The following ZMAT4 variants were observed in gnomAD, a reference collection of about 807,000 sequenced individuals.
ZMAT4 encodes zinc finger matrin-type protein 4.
ZMAT4 carries 17 observed loss-of-function variants against 28.7 expected under a neutral mutation model. The ratio of observed to expected loss-of-function variants is 0.59; its 90% CI spans 0.41 to 0.89. The LOEUF is 0.89. ZMAT4 is among the 40% of genes least tolerant of loss of function. The pLI is 0.00. For missense variants in ZMAT4, 240 were observed against 283.8 expected, an observed-to-expected ratio of 0.85 and a Z score of 1.11; for synonymous variants, 117 against 109.2, an observed-to-expected ratio of 1.07 and a Z score of -0.44.
At chr8:40,547,305 C>A (rs914676448) in intron 6 of ZMAT4, among the ~76,000 whole-genome samples, 3 of 152,154 alleles carry the variant, frequency 2.0e-5, no homozygotes, top group Admixed American at 6.5e-5. Flanking sequence ...CCTCTCTAGA[C>A]CTCTGACATG....
chr8:40,559,304 G>A (rs1043024587), intron 6 of ZMAT4, among the ~76,000 whole-genome samples: 1 of 152,014 alleles, frequency 6.6e-6, no homozygotes, highest in Admixed American at 6.6e-5. Context: ...TCACATACAG[G>A]GCCTAATTAT....
chr8:40,597,278 A>G (rs1805138276), intron 5 of ZMAT4, among the ~76,000 whole-genome samples: 1 of 152,218 alleles, frequency 6.6e-6, no homozygotes, highest in Admixed American at 6.5e-5. Flanking sequence ...TTGGCTTTTG[A>G]TCAGAGTCAT....
chr8:40,659,721 A>C (rs547009263), intron 5 of ZMAT4, among the ~76,000 whole-genome samples: 2 of 152,314 alleles, frequency 1.3e-5, no homozygotes, highest in African/African-American at 4.8e-5. Context: ...ATGCTAAAAG[A>C]GATCACCTAT....
Position 40,531,647 on chromosome 8 carries a change from C to G in ZMAT4, c.*576G>C, listed in dbSNP as rs1802696790. ...TGAGAATTCTTCCTTTATTTACTCC[C>G]TTCGTCTTCATTGTTCAGATGGTAA... On this transcript the variant is annotated 3_prime_UTR_variant, in exon 7 of 7. Transcript: ENST00000297737. 1 of 152,624 alleles carries G rather than the reference C, an allele frequency of 6.6e-6. No homozygotes were observed. The highest frequency in any genetic ancestry group is 1.5e-5 in the Non-Finnish European group (1 of 68,038). 9.5% of individuals were successfully genotyped at this position (152,624 alleles called of 1,614,324 possible). A position where few individuals can be genotyped will look rare whatever the true frequency, so the allele number is the denominator to read the frequency against.
At chr8:40,854,904 T>G (rs1386794367) in intron 1 of ZMAT4, among the ~76,000 whole-genome samples, 1 of 152,090 alleles carries the variant, frequency 6.6e-6, no homozygotes, top group Non-Finnish European at 1.5e-5. Context: ...AAGGACTCAA[T>G]TTTTTAAAGG....
chr8:40,649,970 G>A (rs1397783443), intron 5 of ZMAT4, among the ~76,000 whole-genome samples: 1 of 151,828 alleles, frequency 6.6e-6, no homozygotes, highest in African/African-American at 2.4e-5. Flanking sequence ...ACAGGAGAAA[G>A]CAGGAAAGAT....
chr8:40,856,501 G>C (rs1817304558), intron 1 of ZMAT4, among the ~76,000 whole-genome samples: 2 of 152,186 alleles, frequency 1.3e-5, no homozygotes, highest in Admixed American at 1.3e-4. Flanking sequence ...GCTAATGTGA[G>C]AAAAGTAGCT....
At chr8:40,876,861 C>A (rs190629025) in intron 1 of ZMAT4, among the ~76,000 whole-genome samples, 1 of 152,116 alleles carries the variant, frequency 6.6e-6, no homozygotes, top group Non-Finnish European at 1.5e-5. Flanking sequence ...GACTGTATTA[C>A]GAATCTGGCA....
chr8:40,784,270 G>A (rs34196693), intron 2 of ZMAT4, among the ~76,000 whole-genome samples: 2 of 151,980 alleles, frequency 1.3e-5, no homozygotes, highest in Non-Finnish European at 1.5e-5. Flanking sequence ...AGCACAACAT[G>A]AAAAAATCAA....
intron 3 of ZMAT4, among the ~76,000 whole-genome samples, chr8:40,729,497 G>A (rs1189456421): frequency 1.3e-5 from 2 of 152,036 alleles, no homozygotes; most frequent in East Asian, 3.9e-4. Flanking sequence ...TTATACACAT[G>A]TTCTAAGTAG....
chr8:40,712,331 G>A (rs1021333495), intron 3 of ZMAT4, among the ~76,000 whole-genome samples: 19 of 152,172 alleles, frequency 1.2e-4, no homozygotes, highest in Admixed American at 3.3e-4. Flanking sequence ...CCAACCCAGA[G>A]TTGTGTCCCA....
intron 6 of ZMAT4, among the ~76,000 whole-genome samples, chr8:40,564,955 T>C (rs1015470470): frequency 7.2e-5 from 11 of 152,310 alleles, no homozygotes; most frequent in Middle Eastern, 3.4e-3. Flanking sequence ...GTTAACAAAA[T>C]CTGACATCCA....
chr8:40,674,647 C>T (rs949322167), intron 5 of ZMAT4, 57 bp downstream of exon 5: 214 of 1,374,300 alleles, frequency 1.6e-4, no homozygotes, highest in Non-Finnish European at 4.3e-5. Context: ...TTGTGAAAGC[C>T]GCATCTTTTC....
chr8:40,618,544 G>C (rs750410583), intron 5 of ZMAT4, among the ~76,000 whole-genome samples: 2 of 151,660 alleles, frequency 1.3e-5, no homozygotes, highest in African/African-American at 4.8e-5. Context: ...TTAGTACAAG[G>C]TTTTTAATCA....
intron 1 of ZMAT4, among the ~76,000 whole-genome samples, chr8:40,853,100 A>C (rs1239580959): frequency 2.6e-5 from 4 of 152,210 alleles, no homozygotes; most frequent in Non-Finnish European, 5.9e-5. Context: ...CATCCCATGA[A>C]AATGGCTCTA....
rs115298332 is a variant in ZMAT4 at position 40,845,316 on chromosome 8, C to T, written c.-4-19636G>A. On this transcript the variant is annotated intron_variant, in intron 1 of 6. Coordinates refer to ENST00000297737, the MANE Select transcript of ZMAT4 (RefSeq NM_024645.3). ...TTCATTATTATTTTCAAAAGCCTTGCTTCTCTAGAGAAAACACTCTTATTT... is the reference window on the plus strand; with the variant it reads ...TTCATTATTATTTTCAAAAGCCTTGTTTCTCTAGAGAAAACACTCTTATTT... Among the ~76,000 whole-genome samples, 967 of 152,274 alleles carry T rather than the reference C, an allele frequency of 6.4e-3. 10 individuals carry two copies. Among genetic ancestry groups the T allele is most frequent in the African/African-American group, 0.022 (925 of 41,538 alleles).
intron 5 of ZMAT4, among the ~76,000 whole-genome samples, chr8:40,667,847 AAC>A (rs1491054089): frequency 2.1e-4 from 29 of 140,528 alleles, no homozygotes; most frequent in African/African-American, 3.9e-4. Flanking sequence ...AAAAAAAAAA[AAC>A]AACAAAAAAA....
chr8:40,729,836 A>G (rs559872848), intron 3 of ZMAT4, among the ~76,000 whole-genome samples: 2 of 152,276 alleles, frequency 1.3e-5, no homozygotes, highest in African/African-American at 4.8e-5. Context: ...TGACCTTGTG[A>G]TCCGCCTGCC....
intron 6 of ZMAT4, among the ~76,000 whole-genome samples, chr8:40,545,727 A>T (rs1032181923): frequency 6.6e-5 from 10 of 152,142 alleles, no homozygotes; most frequent in African/African-American, 9.7e-5. Flanking sequence ...AACCTTGCAT[A>T]TGCCTTGATC....
Sources: allele counts gnomAD v4.1 joint callset (sites outside exome capture counted in the v4.1 genomes callset), GRCh38; gene constraint gnomAD v4.1.1; transcripts MANE v1.5; gene names NCBI Gene and HGNC (gene_info 2026-07-23, HGNC 2026-07-21).